TYW1B: variants seen among roughly 807,000 people sequenced by gnomAD.
TYW1B encodes the protein tRNA-yW synthesizing protein 1 homolog B, also known as S-adenosyl-L-methionine-dependent tRNA 4-demethylwyosine synthase TYW1B.
A neutral mutation model predicts 86.9 loss-of-function variants in TYW1B; 73 were observed. The ratio of observed to expected loss-of-function variants is 0.84; its 90% CI spans 0.70 to 1.02. The LOEUF (loss-of-function observed/expected upper bound fraction) is 1.02. TYW1B is among the 50% of genes least tolerant of loss of function. The pLI, the probability that TYW1B is intolerant of heterozygous loss-of-function variation, is 0.00. For missense variants in TYW1B, 637 were observed against 827.4 expected (o/e 0.77, Z 2.82); for synonymous variants, 248 against 292.8 (o/e 0.85, Z 1.56).
chr7:72,665,647 T>C (rs560391486), intron 11 of TYW1B, among the ~76,000 whole-genome samples: 4 of 152,246 alleles, frequency 2.6e-5, no homozygotes, highest in Admixed American at 6.5e-5. Context: ...TACCAAGTGG[T>C]TGCGCTTTGT....
At chr7:72,758,113 G>C (rs368195062) in intron 7 of TYW1B, among the ~76,000 whole-genome samples, 114 of 152,176 alleles carry the variant, frequency 7.5e-4, no homozygotes, top group African/African-American at 2.5e-3. Flanking sequence ...CCAGTTACTA[G>C]GGAGGCCGAG....
chr7:72,720,480 C>T (rs1239656465), intron 9 of TYW1B, among the ~76,000 whole-genome samples: 1 of 151,968 alleles, frequency 6.6e-6, no homozygotes, highest in South Asian at 2.1e-4. Context: ...AAACAAAATA[C>T]AAGACAAAAA....
chr7:72,727,082 C>T (rs1467077464), intron 9 of TYW1B, among the ~76,000 whole-genome samples: 6 of 152,016 alleles, frequency 3.9e-5, no homozygotes, highest in Non-Finnish European at 2.9e-5. Context: ...ATGGGGATTA[C>T]GGAGATTACA....
chr7:72,807,356 C>T lies in TYW1B; in HGVS notation c.433G>A (p.Val145Ile), dbSNP rs146105977. The part of the protein sequence containing the change: ...NSAYASHFNK[V>I]GKNVDKWLWM... ...AGCCACTTGTCAACATTTTTGCCAA[C>T]CTGCGAGGAAAAGATAGATAGGCTA... Residue 145 changes from valine (V) to isoleucine (I), a missense_variant and splice_region_variant, in exon 5 of 14, where the codon GTT becomes ATT. Physicochemically the swap from Val to Ile is conservative, Grantham distance 29. Coordinates refer to ENST00000620995, the MANE Select transcript of TYW1B (RefSeq NM_001145440.3). 1.0e-4 allele frequency: 161 copies of T among 1,610,562 alleles called. No individual in the cohort carries two copies. The East Asian group carries it at 3.6e-3, about 36-fold the overall frequency.
rs564523772 is a variant in TYW1B, at chr7:72,728,944, C to G, written c.1083-13G>C. 3.7e-6 allele frequency: 6 copies of G among 1,610,960 alleles called. No individual in the cohort carries two copies. The African/African-American group carries it at 6.7e-5, about 18-fold the overall frequency. ...GTTGTTGTGGTGCCTAGGAACAAGA[C>G]GCAAAGTTCTAAAAGACCCTTCTGT... On this transcript the variant is annotated splice_polypyrimidine_tract_variant and intron_variant, in intron 8 of 13. Coordinates refer to ENST00000620995, the MANE Select transcript of TYW1B (RefSeq NM_001145440.3).
chr7:72,825,765 T>A (rs558924949), intron 2 of TYW1B, among the ~76,000 whole-genome samples: 30 of 152,256 alleles, frequency 2.0e-4, no homozygotes, highest in African/African-American at 7.2e-4. Flanking sequence ...TTTTCCCTAT[T>A]CCCTACTTCC....
intron 11 of TYW1B, among the ~76,000 whole-genome samples, chr7:72,686,140 G>A (rs1171209524): frequency 6.6e-6 from 1 of 152,174 alleles, no homozygotes; most frequent in Non-Finnish European, 1.5e-5. Context: ...CACTTTGGAA[G>A]ACAGTTTGGC....
chr7:72,730,791 CAGA>C (rs1787089895), intron 8 of TYW1B, among the ~76,000 whole-genome samples: 2 of 151,372 alleles, frequency 1.3e-5, no homozygotes, highest in South Asian at 4.2e-4. Flanking sequence ...TTAGGAATTC[CAGA>C]AGGAGAACAG....
intron 8 of TYW1B, among the ~76,000 whole-genome samples, chr7:72,744,212 G>A (rs1484478202): frequency 2.6e-5 from 4 of 151,998 alleles, no homozygotes; most frequent in African/African-American, 7.3e-5. Flanking sequence ...ACTATTTATC[G>A]ATAATCACTA....
chr7:72,606,429 A>AG (rs1216928667), intron 13 of TYW1B, among the ~76,000 whole-genome samples: 1 of 152,124 alleles, frequency 6.6e-6, no homozygotes, highest in Non-Finnish European at 1.5e-5. Flanking sequence ...AGAGAAGGTG[A>AG]GTGGGGAATC....
At chr7:72,604,157 T>A (rs1554434392) in intron 13 of TYW1B, among the ~76,000 whole-genome samples, 1 of 151,960 alleles carries the variant, frequency 6.6e-6, no homozygotes, top group Non-Finnish European at 1.5e-5. Context: ...AAACATAAAG[T>A]CTATTGAAAA....
intron 7 of TYW1B, among the ~76,000 whole-genome samples, chr7:72,753,766 AC>A (rs1409389944): frequency 3.9e-5 from 6 of 152,208 alleles, no homozygotes; most frequent in African/African-American, 1.4e-4. Context: ...GGCGTGAGCC[AC>A]TGCGTCCGGC....
intron 6 of TYW1B, among the ~76,000 whole-genome samples, chr7:72,784,313 G>C (rs782404814): frequency 3.9e-5 from 6 of 152,220 alleles, no homozygotes; most frequent in Non-Finnish European, 7.3e-5. Context: ...GAGTGACACA[G>C]ACAGATGGAG....
intron 7 of TYW1B, among the ~76,000 whole-genome samples, chr7:72,749,690 T>G (rs1356796969): frequency 6.6e-6 from 1 of 151,970 alleles, no homozygotes; most frequent in Non-Finnish European, 1.5e-5. Context: ...ATTTTCAGTT[T>G]CATTGATTTC....
intron 2 of TYW1B, among the ~76,000 whole-genome samples, chr7:72,816,869 T>C (rs1788733972): frequency 6.6e-6 from 1 of 152,020 alleles, no homozygotes; most frequent in Non-Finnish European, 1.5e-5. Context: ...CCCCCACCCC[T>C]CCATAGCTGG....
intron 13 of TYW1B, among the ~76,000 whole-genome samples, chr7:72,577,356 T>C (rs1811046413): frequency 6.6e-6 from 1 of 152,110 alleles, no homozygotes; most frequent in Non-Finnish European, 1.5e-5. Context: ...TTAGAGGAAA[T>C]TTTCTTGTAA....
chr7:72,808,810 TGC>T (rs2129572641), intron 4 of TYW1B, among the ~76,000 whole-genome samples: 1 of 152,108 alleles, frequency 6.6e-6, no homozygotes, highest in South Asian at 2.1e-4. Context: ...TACAGGCTTG[TGC>T]CACTGCACCC....
chr7:72,791,137 G>A (rs1304538968), intron 6 of TYW1B, among the ~76,000 whole-genome samples: 1 of 152,120 alleles, frequency 6.6e-6, no homozygotes, highest in Non-Finnish European at 1.5e-5. Flanking sequence ...GGAGCGCTAT[G>A]GAACGTCTGT....
intron 13 of TYW1B, among the ~76,000 whole-genome samples, chr7:72,601,576 GC>G (rs1811667883): frequency 6.6e-6 from 1 of 151,892 alleles, no homozygotes; most frequent in Non-Finnish European, 1.5e-5. Flanking sequence ...GTTTAGAGCA[GC>G]TTTGTTCATA....
Sources: gnomAD v4.1 joint callset for allele counts (sites outside exome capture counted in the v4.1 genomes callset) on GRCh38, gnomAD v4.1.1 for gene constraint, MANE v1.5 for transcripts, NCBI Gene and HGNC (gene_info 2026-07-23, HGNC 2026-07-21) for gene names.